The following DAGLB variants were observed in gnomAD, a reference collection of about 807,000 sequenced individuals.
DAGLB encodes the protein diacylglycerol lipase beta, also known as diacylglycerol lipase-beta.
A neutral mutation model predicts 72.1 loss-of-function variants in DAGLB; 66 were observed. The observed-to-expected ratio is 0.92, with a 90% CI of 0.75 to 1.12. DAGLB has a LOEUF of 1.12. DAGLB is among the 50% of genes most tolerant of loss of function. The pLI, the probability that DAGLB is intolerant of heterozygous loss-of-function variation, is 0.00. For synonymous variants in DAGLB, 414 were observed against 359.5 expected, an observed-to-expected ratio of 1.15 and a Z score of -1.71; for missense variants, 1,065 against 884.9, an observed-to-expected ratio of 1.20 and a Z score of -2.58.
chr7:6,410,417 C>A (rs10265923), intron 13 of DAGLB, 37 bp from the exon 14 acceptor site: 1 of 1,555,498 alleles, frequency 6.4e-7, no homozygotes. Flanking sequence ...TGCTGTCACT[C>A]ACCCTCTGTC....
chr7:6,430,250 C>T (rs868728669), intron 6 of DAGLB, among the ~76,000 whole-genome samples: 5 of 45,734 alleles, frequency 1.1e-4, no homozygotes, highest in South Asian at 2.1e-3. Context: ...AATACATGTG[C>T]ATATATATAT....
chr7:6,439,944 C>T (rs567118735), intron 2 of DAGLB, among the ~76,000 whole-genome samples: 9 of 149,716 alleles, frequency 6.0e-5, no homozygotes, highest in South Asian at 2.1e-4. Context: ...CCCAGCTACT[C>T]GGGAGGCTGA....
chr7:6,446,128 G>T (rs568580768), intron 1 of DAGLB, 24 bp from the exon 2 acceptor site: 2 of 1,582,008 alleles, frequency 1.3e-6, no homozygotes, highest in Non-Finnish European at 1.7e-6. Context: ...AAAAGGGAAG[G>T]GTCAGAAATG....
In DAGLB at chr7:6,410,178, TAG is replaced by T. The variant is rs777624890; in HGVS notation, c.1770_1771del (p.Tyr591ProfsTer26). 4 of 1,587,716 alleles carry T rather than the reference TAG, an allele frequency of 2.5e-6. No homozygotes were observed. Among genetic ancestry groups the T allele is most frequent in the East Asian group, 4.5e-5 (2 of 44,188 alleles). On this transcript the variant is annotated frameshift_variant, in exon 14 of 15. Coordinates refer to ENST00000297056, the MANE Select transcript of DAGLB (RefSeq NM_139179.4). LOFTEE classifies it low-confidence loss of function (END_TRUNC). ...CAGGTGGATGATCCTGCCGGGAGGG[TAG>T]AGAGGGGGGTACTTGGGAGAAGAGT...
At chr7:6,423,120 C>T (rs1562482129) in intron 8 of DAGLB, among the ~76,000 whole-genome samples, 1 of 152,100 alleles carries the variant, frequency 6.6e-6, no homozygotes, top group Non-Finnish European at 1.5e-5. Context: ...GGTGTAGTGG[C>T]ACATGCCTGT....
intron 9 of DAGLB, chr7:6,417,530 T>G (rs1168847846): frequency 6.6e-6 from 1 of 152,368 alleles, no homozygotes; most frequent in African/African-American, 2.4e-5. Flanking sequence ...CACAATTTAC[T>G]TCAGCCAAGT....
intron 9 of DAGLB, among the ~76,000 whole-genome samples, chr7:6,418,322 T>C (rs1783985492): frequency 6.6e-6 from 1 of 152,022 alleles, no homozygotes; most frequent in Admixed American, 6.6e-5. Flanking sequence ...TGAACTATGA[T>C]TGCACCACTG....
At chr7:6,432,793 A>C in intron 5 of DAGLB, 44 bp downstream of exon 5, 1 of 1,586,018 alleles carries the variant, frequency 6.3e-7, no homozygotes. Flanking sequence ...ACCCACCAAA[A>C]GGTGTAAGTG....
At chr7:6,420,828 T>C (rs1190592844) in intron 9 of DAGLB, among the ~76,000 whole-genome samples, 2 of 152,150 alleles carry the variant, frequency 1.3e-5, no homozygotes, top group African/African-American at 4.8e-5. Context: ...CTCACACCCA[T>C]AGCACAGTGA....
At chr7:6,441,978 C>G (rs1274972297) in intron 2 of DAGLB, among the ~76,000 whole-genome samples, 1 of 151,992 alleles carries the variant, frequency 6.6e-6, no homozygotes, top group Admixed American at 6.6e-5. Flanking sequence ...TCTCCCCTGC[C>G]CTGTATGTCA....
intron 2 of DAGLB, among the ~76,000 whole-genome samples, chr7:6,438,580 A>G (rs1272183589): frequency 1.3e-5 from 2 of 152,060 alleles, no homozygotes; most frequent in Admixed American, 1.3e-4. Context: ...CTGCATACAC[A>G]CTGCTTCCTG....
intron 11 of DAGLB, among the ~76,000 whole-genome samples, chr7:6,413,651 G>C (rs201867323): frequency 6.7e-6 from 1 of 148,766 alleles, no homozygotes. Context: ...AAAAAAAAAA[G>C]ATGCCCCAGC....
intron 2 of DAGLB, among the ~76,000 whole-genome samples, chr7:6,440,294 G>C (rs998708002): frequency 6.6e-6 from 1 of 151,418 alleles, no homozygotes; most frequent in Non-Finnish European, 1.5e-5. Context: ...TGAGGCAGGA[G>C]AATCACTTGA....
At chr7:6,432,592 A>G (rs1260615200) in intron 5 of DAGLB, among the ~76,000 whole-genome samples, 1 of 150,942 alleles carries the variant, frequency 6.6e-6, no homozygotes, top group Non-Finnish European at 1.5e-5. Context: ...CCTGGGAGGC[A>G]GAACTTGCAG....
intron 13 of DAGLB, among the ~76,000 whole-genome samples, chr7:6,410,690 G>A (rs566725418): frequency 5.9e-5 from 9 of 151,932 alleles, no homozygotes; most frequent in East Asian, 1.9e-4. Flanking sequence ...ATTATTTTCC[G>A]GCAATTCTGG....
chr7:6,423,925 G>GC lies in DAGLB; in HGVS notation c.1140+826dup, dbSNP rs758888572. On this transcript the variant is annotated intron_variant, in intron 8 of 14. Transcript: ENST00000297056. ...ATGGCAGAGCTGACGTGAACAGGGC[G>GC]CCCCCCGGGAGGAGCAGCCCTGTGG... Among the ~76,000 whole-genome samples the GC allele has an allele frequency of 1.6e-4, 25 of 152,188 alleles. No individual in the cohort carries two copies. In the East Asian group the frequency reaches 3.9e-3, roughly 24 times the overall value.
chr7:6,426,982 C>T (rs974723728), intron 6 of DAGLB, among the ~76,000 whole-genome samples: 2 of 152,108 alleles, frequency 1.3e-5, no homozygotes, highest in South Asian at 2.1e-4. Context: ...GTGGCAGGCG[C>T]CTGTAATCCC....
chr7:6,423,593 T>C (rs1166918389), intron 8 of DAGLB, among the ~76,000 whole-genome samples: 2 of 150,446 alleles, frequency 1.3e-5, no homozygotes, highest in Non-Finnish European at 3.0e-5. Flanking sequence ...CCGGCTAATT[T>C]TTTTTTTTTT....
chr7:6,410,522 C>G (rs1397011094), intron 13 of DAGLB, 142 bp from the exon 14 acceptor site: 3 of 1,294,884 alleles, frequency 2.3e-6, no homozygotes, highest in Admixed American at 2.8e-5. Context: ...AAAGATGCAC[C>G]GGCGAGCTGT....
Sources: allele counts gnomAD v4.1 joint callset (sites outside exome capture counted in the v4.1 genomes callset), GRCh38; gene constraint gnomAD v4.1.1; transcripts MANE v1.5; gene names NCBI Gene and HGNC (gene_info 2026-07-23, HGNC 2026-07-21).